The following CTSV variants were observed in gnomAD, a reference collection of about 807,000 sequenced individuals.
The protein encoded by CTSV is cathepsin V, also known as cathepsin L2.
In CTSV, 33 loss-of-function variants were observed where a neutral mutation model predicts 35.6. The ratio of observed to expected loss-of-function variants is 0.93; its 90% CI spans 0.70 to 1.24. The LOEUF (loss-of-function observed/expected upper bound fraction) is 1.24, where lower values mean the gene tolerates loss of function less well. Among genes scored for constraint, CTSV ranks in the 50% most tolerant of loss-of-function variants. The pLI is 0.00. For missense variants in CTSV, 408 were observed against 413.1 expected (o/e 0.99, Z 0.11); for synonymous variants, 154 against 147.1 (o/e 1.05, Z -0.34).
chr9:97,034,176 T>G (rs138535797), intron 7 of CTSV, among the ~76,000 whole-genome samples: 1 of 152,238 alleles, frequency 6.6e-6, no homozygotes, highest in African/African-American at 2.4e-5. Flanking sequence ...GAGGCAGAAC[T>G]GGAATTCCAC....
chr9:97,030,038 G>A lies in CTSV; in HGVS notation c.*2911C>T, dbSNP rs538894735. On this transcript the variant is annotated 3_prime_UTR_variant, in exon 8 of 8. Transcript: ENST00000259470. ...TACTCTATGATGTTCACGTCACGAT[G>A]AAATCACCCAAGACACATTTCTCAG... 3 of 152,290 alleles carry A rather than the reference G, an allele frequency of 2.0e-5. No individual in the cohort carries two copies. The highest frequency in any genetic ancestry group is 4.4e-5 in the Non-Finnish European group (3 of 68,032). The allele number at this position is 152,290 out of a possible 1,614,324, so 9.4% of individuals were successfully genotyped here. A position where few individuals can be genotyped will look rare whatever the true frequency, so the allele number is the denominator to read the frequency against.
rs1439723319 is a variant in CTSV at position 97,035,662 on chromosome 9, G to C, written c.653C>G (p.Ser218Cys). Residue 218 changes from serine (S) to cysteine (C), a missense_variant, in exon 6 of 8, where the codon TCT (serine) becomes TGT (cysteine). Physicochemically the swap from Ser to Cys is moderately radical, Grantham distance 112. Coordinates refer to ENST00000259470, the MANE Select transcript of CTSV (RefSeq NM_001333.4). ...TGTGAAGCCAGTGTCATTAGCAACA[G>C]AATTCTCAGGTCTGTACTTACAGAT... ...DEICKYRPEN[S>C]VANDTGFTVV... 1 of 1,588,562 alleles carries C rather than the reference G, an allele frequency of 6.3e-7. No individual in the cohort carries two copies. Among genetic ancestry groups the C allele is most frequent in the Admixed American group, 1.8e-5 (1 of 56,778 alleles).
rs1478697462 is a variant in CTSV at position 97,030,445 on chromosome 9, C to G, written c.*2504G>C. On this transcript the variant is annotated 3_prime_UTR_variant, in exon 8 of 8. Transcript: ENST00000259470. ...CGAGTATAGGAAATATTTGCCGAGA[C>G]CAGCTTGGTCATGGAGACCCTAACC... 1.3e-5 allele frequency: 2 copies of G among 152,088 alleles called. No homozygotes were observed. The highest frequency in any genetic ancestry group is 2.9e-5 in the Non-Finnish European group (2 of 68,016). The allele number at this position is 152,088 out of a possible 1,614,324, so 9.4% of individuals were successfully genotyped here. A position where few individuals can be genotyped will look rare whatever the true frequency, so the allele number is the denominator to read the frequency against.
intron 5 of CTSV, 82 bp downstream of exon 5, chr9:97,036,441 T>A: frequency 1.0e-6 from 1 of 974,130 alleles, no homozygotes; most frequent in Non-Finnish European, 1.6e-6. Flanking sequence ...ATGTGAATTC[T>A]GAAAAAAGTA....
chr9:97,032,422 T>C lies in CTSV; in HGVS notation c.*527A>G, dbSNP rs904162701. ...GTCTCATAAAAAAAAAAAATGTAGGTTTGTCCTTCCAAATTGTTTATCAAA... is the reference window on the plus strand; with the variant it reads ...GTCTCATAAAAAAAAAAAATGTAGGCTTGTCCTTCCAAATTGTTTATCAAA... On this transcript the variant is annotated 3_prime_UTR_variant, in exon 8 of 8. Transcript: ENST00000259470. 2.6e-5 allele frequency: 4 copies of C among 152,122 alleles called. No homozygotes were observed. Among genetic ancestry groups the C allele is most frequent in the Admixed American group, 2.6e-4 (4 of 15,274 alleles). 9.4% of individuals were successfully genotyped at this position (152,122 alleles called of 1,614,324 possible).
chr9:97,036,389 G>A (rs775487722), intron 5 of CTSV, 134 bp downstream of exon 5: 2 of 756,466 alleles, frequency 2.6e-6, no homozygotes, highest in Admixed American at 4.2e-5. Flanking sequence ...AATTTATAAT[G>A]ACAATACTCA....
At chr9:97,034,609 C>T in intron 7 of CTSV, 117 bp downstream of exon 7, 1 of 737,332 alleles carries the variant, frequency 1.4e-6, no homozygotes, top group Admixed American at 2.1e-5. Flanking sequence ...ATTAATATTT[C>T]TGTGTTCACT....
upstream of CTSV, chr9:97,039,593 A>G (rs7035822): frequency 0.27 from 41,646 of 151,892 alleles, 8,014 homozygotes; most frequent in East Asian, 0.54. Context: ...CACAGCCCCC[A>G]GCAGAAGCAT....
chr9:97,029,812 T>A lies in CTSV; in HGVS notation c.*3137A>T, dbSNP rs1273015148. On this transcript the variant is annotated 3_prime_UTR_variant, in exon 8 of 8. Coordinates refer to ENST00000259470, the MANE Select transcript of CTSV (RefSeq NM_001333.4). ...ATGTTTTGGTCAGTGACTGCATATATGATAGTGGTCCCATAAAATTATGAT... is the reference window on the plus strand; with the variant it reads ...ATGTTTTGGTCAGTGACTGCATATAAGATAGTGGTCCCATAAAATTATGAT... The A allele has an allele frequency of 6.6e-6, 1 of 152,264 alleles. No homozygotes were observed. The highest frequency in any genetic ancestry group is 2.4e-5 in the African/African-American group (1 of 41,472). The allele number at this position is 152,264 out of a possible 1,614,324, so 9.4% of individuals were successfully genotyped here.
At chr9:97,037,219 T>A (rs768720614) in intron 4 of CTSV, 33 bp downstream of exon 4, 1 of 1,601,794 alleles carries the variant, frequency 6.2e-7, no homozygotes, top group Non-Finnish European at 8.5e-7. Context: ...GGCTTTCCTG[T>A]GGAGACAGGG....
Position 97,032,927 on chromosome 9 carries a change from T to C in CTSV, c.*22A>G, listed in dbSNP as rs1334035297. 15 of 1,582,828 alleles carry C rather than the reference T, an allele frequency of 9.5e-6. No homozygotes were observed. Among genetic ancestry groups the C allele is most frequent in the Non-Finnish European group, 1.3e-5 (15 of 1,158,370 alleles). ...CCCCAGACATGCTGTCCTTAAGTCC[T>C]TCCTCCTCACCATCCATCAGCTCAC... On this transcript the variant is annotated 3_prime_UTR_variant, in exon 8 of 8. Coordinates refer to ENST00000259470, the MANE Select transcript of CTSV (RefSeq NM_001333.4).
intron 7 of CTSV, among the ~76,000 whole-genome samples, chr9:97,033,740 G>A (rs181666668): frequency 4.0e-4 from 61 of 152,252 alleles, no homozygotes; most frequent in African/African-American, 1.3e-3. Flanking sequence ...GGAGGCTGCA[G>A]TGAGCCGAGA....
In CTSV at chr9:97,035,669, C is replaced by A; in HGVS notation, c.646G>T (p.Glu216Ter). 1 of 1,570,358 alleles carries A rather than the reference C, an allele frequency of 6.4e-7. No homozygotes were observed. Among genetic ancestry groups the A allele is most frequent in the Non-Finnish European group, 8.6e-7 (1 of 1,156,820 alleles). The change falls in exon 6 of 8, where the codon GAG becomes TAG. Residue 216 changes from glutamate to a stop codon, truncating the protein, a stop_gained. Coordinates refer to ENST00000259470, the MANE Select transcript of CTSV (RefSeq NM_001333.4). LOFTEE classifies it high-confidence loss of function. ...AVDEICKYRP[E>*]NSVANDTGFT... ...CCAGTGTCATTAGCAACAGAATTCTCAGGTCTGTACTTACAGATTTCATCC... is the reference window on the plus strand; with the variant it reads ...CCAGTGTCATTAGCAACAGAATTCTAAGGTCTGTACTTACAGATTTCATCC...
At chr9:97,035,822 C>T in intron 5 of CTSV, 129 bp from the exon 6 acceptor site, 1 of 513,788 alleles carries the variant, frequency 1.9e-6, no homozygotes, top group Non-Finnish European at 3.1e-6. Flanking sequence ...TAAATCGTCC[C>T]ATGAAATAAA....
chr9:97,034,600 T>G, intron 7 of CTSV, 126 bp downstream of exon 7: 1 of 705,072 alleles, frequency 1.4e-6, no homozygotes, highest in South Asian at 1.8e-5. Flanking sequence ...TAATCAAACA[T>G]TAATATTTCT....
At position 97,034,740 on chromosome 9, in the gene CTSV, C is replaced by T. The variant is rs1177965794; in HGVS notation, c.891G>A (p.Trp297Ter). The T allele has an allele frequency of 3.7e-6, 6 of 1,613,652 alleles. No homozygotes were observed. Among genetic ancestry groups the T allele is most frequent in the Non-Finnish European group, 5.1e-6 (6 of 1,179,622 alleles). Residue 297 changes from tryptophan (W) to a stop codon, truncating the protein, a stop_gained, in exon 7 of 8, where the codon TGG becomes TGA. Transcript: ENST00000259470. LOFTEE classifies it low-confidence loss of function (END_TRUNC). ...GAGTTTTATACCTGTTTTTGACGAG[C>T]CAATACTTGCTGTTATTCGAATTTG... ...EGANSNNSKY[W>*]LVKNSWGPEW...
intron 7 of CTSV, 102 bp downstream of exon 7, chr9:97,034,624 G>A (rs1828813417): frequency 1.2e-6 from 1 of 867,064 alleles, no homozygotes; most frequent in Non-Finnish European, 1.9e-6. Flanking sequence ...TTCACTCTAA[G>A]TAGAAGAAAG....
At chr9:97,033,834 G>A (rs755731748) in intron 7 of CTSV, among the ~76,000 whole-genome samples, 2 of 152,110 alleles carry the variant, frequency 1.3e-5, no homozygotes, top group Non-Finnish European at 2.9e-5. Context: ...GGTGGCTCAT[G>A]TCTGTAATAC....
intron 1 of CTSV, 83 bp from the exon 2 acceptor site, chr9:97,038,136 A>G: frequency 7.2e-7 from 1 of 1,393,646 alleles, no homozygotes; most frequent in Non-Finnish European, 9.8e-7. Flanking sequence ...GAAATATTTC[A>G]ATTATTCTCC....
Sources: allele counts gnomAD v4.1 joint callset (sites outside exome capture counted in the v4.1 genomes callset), GRCh38; gene constraint gnomAD v4.1.1; transcripts MANE v1.5; gene names NCBI Gene and HGNC (gene_info 2026-07-23, HGNC 2026-07-21).